The following STK32A variants were observed in gnomAD, a reference collection of about 807,000 sequenced individuals.
STK32A encodes the protein serine/threonine-protein kinase 32A.
A neutral mutation model predicts 53.2 loss-of-function variants in STK32A; 41 were observed. The observed-to-expected ratio is 0.77, with a 90% CI of 0.60 to 1.00. The LOEUF (loss-of-function observed/expected upper bound fraction) is 1.00. Among genes scored for constraint, STK32A ranks in the 50% least tolerant of loss-of-function variants. STK32A has a pLI of 0.00. For synonymous variants in STK32A, 166 were observed against 162.8 expected, an observed-to-expected ratio of 1.02 and a Z score of -0.15; for missense variants, 458 against 485.8, an observed-to-expected ratio of 0.94 and a Z score of 0.54.
intron 2 of STK32A, among the ~76,000 whole-genome samples, chr5:147,272,073 A>G (rs1755062550): frequency 6.6e-6 from 1 of 151,962 alleles, no homozygotes; most frequent in South Asian, 2.1e-4. Flanking sequence ...CAGCCTTAAA[A>G]TTTCTCTCTT....
the STK32A span, chr5:147,400,599 G>A: frequency 2.5e-5 from 37 of 1,500,544 alleles, no homozygotes; most frequent in Middle Eastern, 2.0e-4. Context: ...ATCTGCACTC[G>A]CAGTGTCACC....
intron 2 of STK32A, among the ~76,000 whole-genome samples, chr5:147,261,144 A>T (rs1754549802): frequency 6.6e-6 from 1 of 152,102 alleles, no homozygotes; most frequent in Non-Finnish European, 1.5e-5. Context: ...CTCAGGAGAG[A>T]CAACCAGAGA....
the STK32A span, chr5:147,400,875 T>C: frequency 1.3e-6 from 2 of 1,599,380 alleles, no homozygotes; most frequent in Non-Finnish European, 8.5e-7. Context: ...GGGAGATGGC[T>C]GGAGGCACAC....
chr5:147,254,255 C>T (rs1249638645), intron 2 of STK32A, among the ~76,000 whole-genome samples: 2 of 152,114 alleles, frequency 1.3e-5, no homozygotes, highest in African/African-American at 4.8e-5. Flanking sequence ...TGGGAGACAC[C>T]TTTGGTTTGA....
intron 8 of STK32A, among the ~76,000 whole-genome samples, chr5:147,365,860 G>A (rs1017005286): frequency 3.9e-5 from 6 of 152,002 alleles, no homozygotes; most frequent in East Asian, 3.9e-4. Flanking sequence ...AGGTATTCTC[G>A]CCTGCCTGGA....
Position 147,383,936 on chromosome 5 carries a change from C to G in STK32A, c.1144C>G (p.Gln382Glu). The change falls in exon 13 of 13, where the codon CAA becomes GAA. Residue 382 changes from glutamine to glutamate, a missense_variant. By Grantham distance (29) the Gln-to-Glu change is conservative (BLOSUM62 2). Coordinates refer to ENST00000397936, the MANE Select transcript of STK32A (RefSeq NM_001112724.2). ...NKRQPNLALEQTKDPQGEDGQ... is the reference protein window; with the variant it reads ...NKRQPNLALEETKDPQGEDGQ... Reference sequence around the variant, plus strand: ...AAGACAACCAAATCTAGCCTTGGAACAAACCAAAGACCCACAAGGTGAGGA... The same window carrying G: ...AAGACAACCAAATCTAGCCTTGGAAGAAACCAAAGACCCACAAGGTGAGGA... 6.2e-7 allele frequency: 1 copy of G among 1,608,514 alleles called. No individual in the cohort carries two copies. The highest frequency in any genetic ancestry group is 8.5e-7 in the Non-Finnish European group (1 of 1,178,308).
Position 147,373,543 on chromosome 5 carries a change from CT to C in STK32A, c.903+254del, listed in dbSNP as rs1456854464. 2.0e-5 allele frequency among the ~76,000 whole-genome samples: 3 copies of C among 152,218 alleles called. No homozygotes were observed. The East Asian group carries it at 5.8e-4, about 29-fold the overall frequency. Reference sequence around the variant, plus strand: ...CGACTGAAGTTCTAGCTTTTAACCACTTTTTATGGTCTGTTTTTATTGAAAG... The same window carrying C: ...CGACTGAAGTTCTAGCTTTTAACCACTTTTATGGTCTGTTTTTATTGAAAG... On this transcript the variant is annotated intron_variant, in intron 10 of 12. Coordinates refer to ENST00000397936, the MANE Select transcript of STK32A (RefSeq NM_001112724.2).
At chr5:147,341,000 A>G (rs1755375871) in intron 5 of STK32A, among the ~76,000 whole-genome samples, 1 of 152,246 alleles carries the variant, frequency 6.6e-6, no homozygotes, top group Non-Finnish European at 1.5e-5. Flanking sequence ...TGGGAAAAGT[A>G]GTTAACACAA....
chr5:147,399,154 C>G, the STK32A span: 6,287 of 1,614,188 alleles, frequency 3.9e-3, 207 homozygotes, highest in African/African-American at 0.072. Flanking sequence ...TGTCAGAACC[C>G]ACAGATATTC....
At chr5:147,330,613 T>A (rs1754819509) in intron 5 of STK32A, among the ~76,000 whole-genome samples, 1 of 152,190 alleles carries the variant, frequency 6.6e-6, no homozygotes, top group Non-Finnish European at 1.5e-5. Context: ...GCCCTGAACT[T>A]CCCTGTCAAG....
At chr5:147,279,126 A>C in intron 3 of STK32A, 121 bp from the exon 4 acceptor site, 1 of 848,502 alleles carries the variant, frequency 1.2e-6, no homozygotes, top group Non-Finnish European at 1.7e-6. Flanking sequence ...AGCTTTTAAC[A>C]TCATATAATT....
At chr5:147,251,188 C>A (rs1318569178) in intron 2 of STK32A, among the ~76,000 whole-genome samples, 1 of 152,072 alleles carries the variant, frequency 6.6e-6, no homozygotes, top group Admixed American at 6.5e-5. Flanking sequence ...GGCCTTATAT[C>A]CAGAAGGACA....
intron 4 of STK32A, 119 bp downstream of exon 4, chr5:147,279,517 G>C: frequency 1.2e-6 from 1 of 834,748 alleles, no homozygotes; most frequent in Non-Finnish European, 1.8e-6. Flanking sequence ...TGACACAATT[G>C]CAAGAAAGAG....
chr5:147,270,778 A>C (rs879262842), intron 2 of STK32A, among the ~76,000 whole-genome samples: 1 of 152,206 alleles, frequency 6.6e-6, no homozygotes, highest in Non-Finnish European at 1.5e-5. Flanking sequence ...AGAACAGTTA[A>C]TGTAGTAGTG....
chr5:147,389,679 G>C (rs1757751035), downstream of STK32A, among the ~76,000 whole-genome samples: 1 of 152,098 alleles, frequency 6.6e-6, no homozygotes, highest in Non-Finnish European at 1.5e-5. Context: ...GACCAGCCTG[G>C]CCAACATGGT....
intron 5 of STK32A, among the ~76,000 whole-genome samples, chr5:147,341,878 T>TA (rs932772960): frequency 5.3e-5 from 8 of 151,970 alleles, no homozygotes; most frequent in Admixed American, 3.9e-4. Flanking sequence ...AATAGCAAAG[T>TA]AAAAAAAATT....
intron 4 of STK32A, among the ~76,000 whole-genome samples, chr5:147,286,725 T>C (rs551153092): frequency 5.3e-5 from 8 of 152,290 alleles, no homozygotes; most frequent in African/African-American, 1.9e-4. Context: ...TTTGGCTTTA[T>C]AGTGAAAGAA....
rs116150471 is a variant in STK32A at position 147,351,237 on chromosome 5, G to T, written c.562+83G>T. 1.2e-4 allele frequency: 145 copies of T among 1,201,418 alleles called. No homozygotes were observed. The African/African-American group carries it at 2.0e-3, about 17-fold the overall frequency. 74.4% of individuals were successfully genotyped at this position (1,201,418 alleles called of 1,614,324 possible). A position where few individuals can be genotyped will look rare whatever the true frequency, so the allele number is the denominator to read the frequency against. ...GTGGAATCATCTGTGGGGATTTGCA[G>T]CTAGAACTGGTAAGTTCCTCTCTGA... On this transcript the variant is annotated intron_variant, in intron 7 of 12. Coordinates refer to ENST00000397936, the MANE Select transcript of STK32A (RefSeq NM_001112724.2).
intron 4 of STK32A, among the ~76,000 whole-genome samples, chr5:147,310,113 G>A (rs763593316): frequency 7.2e-5 from 11 of 152,040 alleles, no homozygotes; most frequent in Admixed American, 1.3e-4. Context: ...TTATTCCTGC[G>A]TTCCTGGTAG....
Sources: gnomAD v4.1 joint callset for allele counts (sites outside exome capture counted in the v4.1 genomes callset) on GRCh38, gnomAD v4.1.1 for gene constraint, MANE v1.5 for transcripts, NCBI Gene and HGNC (gene_info 2026-07-23, HGNC 2026-07-21) for gene names.